Variants in WDR7 observed in about 807,000 individuals in gnomAD.
The protein encoded by WDR7 is WD repeat-containing protein 7.
WDR7 carries 46 observed loss-of-function variants against 169.4 expected under a neutral mutation model. That is an observed-to-expected ratio of 0.27 (90% CI 0.21 to 0.35). The LOEUF (loss-of-function observed/expected upper bound fraction) is 0.35, where lower values mean the gene tolerates loss of function less well. WDR7 is among the 10% of genes least tolerant of loss of function. WDR7 has a pLI of 1.00. For synonymous variants in WDR7, 612 were observed against 666.8 expected, an observed-to-expected ratio of 0.92 and a Z score of 1.27; for missense variants, 1,534 against 1,859.3, an observed-to-expected ratio of 0.83 and a Z score of 3.22.
At chr18:57,009,402 A>G (rs1287066209) in intron 26 of WDR7, among the ~76,000 whole-genome samples, 1 of 152,178 alleles carries the variant, frequency 6.6e-6, no homozygotes, top group African/African-American at 2.4e-5. Flanking sequence ...TTTTATTTCA[A>G]TAGGTTTTGG....
rs1489618362 is a variant in WDR7, at chr18:57,027,072, C to T, written c.4338C>T (p.Thr1446=). 2 of 1,614,052 alleles carry T rather than the reference C, an allele frequency of 1.2e-6. No homozygotes were observed. Among genetic ancestry groups the T allele is most frequent in the Non-Finnish European group, 1.7e-6 (2 of 1,180,048 alleles). The stretch of plus-strand genomic sequence containing the variant: ...CACCTCAGCTGCGCTGCATTAAAAC[C>T]TACCAGGTGCCCCCTGTGCAGCCCG... ...NSAPQLRCIK[T]YQVPPVQPAS... is the part of the protein sequence containing the mutation. The change falls in exon 28 of 28, where the codon ACC becomes ACT. Residue 1446 remains threonine, a synonymous_variant. Coordinates refer to ENST00000254442, the MANE Select transcript of WDR7 (RefSeq NM_015285.3).
intron 16 of WDR7, among the ~76,000 whole-genome samples, chr18:56,774,167 G>A (rs996375747): frequency 2.0e-5 from 3 of 151,994 alleles, no homozygotes; most frequent in African/African-American, 7.2e-5. Context: ...TTAACTTTCT[G>A]TCCTATAAAT....
chr18:56,873,932 G>A (rs1055476790), intron 20 of WDR7: 59 of 152,174 alleles, frequency 3.9e-4, no homozygotes, highest in African/African-American at 1.4e-3. Flanking sequence ...GCAAGGCAGC[G>A]GTTAGCAATT....
chr18:56,754,467 T>G (rs1348897071), intron 14 of WDR7, among the ~76,000 whole-genome samples: 2 of 151,772 alleles, frequency 1.3e-5, no homozygotes, highest in Non-Finnish European at 2.9e-5. Context: ...ATAATGTGTG[T>G]GTATGTATAT....
chr18:56,786,319 T>C (rs1174240350), intron 19 of WDR7, among the ~76,000 whole-genome samples: 1 of 152,050 alleles, frequency 6.6e-6, no homozygotes, highest in African/African-American at 2.4e-5. Flanking sequence ...TTGCCTGAGC[T>C]CAGGAGTTCA....
At chr18:56,998,190 G>C (rs940930992) in intron 26 of WDR7, among the ~76,000 whole-genome samples, 1 of 152,110 alleles carries the variant, frequency 6.6e-6, no homozygotes, top group Non-Finnish European at 1.5e-5. Context: ...TGAAGACTTA[G>C]GTATCCGTAA....
chr18:56,894,999 G>T (rs887338406), intron 21 of WDR7, among the ~76,000 whole-genome samples: 1 of 152,052 alleles, frequency 6.6e-6, no homozygotes, highest in Admixed American at 6.6e-5. Flanking sequence ...AATAAACAAT[G>T]AGTAGAATAA....
intron 21 of WDR7, among the ~76,000 whole-genome samples, chr18:56,917,624 G>A (rs1342155081): frequency 6.6e-6 from 1 of 152,166 alleles, no homozygotes; most frequent in Admixed American, 6.5e-5. Flanking sequence ...TACTACAAAA[G>A]TTTTAAACAT....
chr18:56,759,943 T>C (rs1026264912), intron 16 of WDR7, among the ~76,000 whole-genome samples: 1 of 152,210 alleles, frequency 6.6e-6, no homozygotes, highest in African/African-American at 2.4e-5. Context: ...CGTTAGGCAC[T>C]GTCAGATGGT....
chr18:56,665,449 C>T (rs2024999821), intron 1 of WDR7, among the ~76,000 whole-genome samples: 1 of 151,638 alleles, frequency 6.6e-6, no homozygotes, highest in African/African-American at 2.4e-5. Context: ...GAATTCTACT[C>T]AGCCCAGTCT....
intron 20 of WDR7, among the ~76,000 whole-genome samples, chr18:56,841,331 T>C (rs1043193307): frequency 2.7e-5 from 4 of 149,486 alleles, no homozygotes; most frequent in African/African-American, 9.8e-5. Context: ...CAGTTGAGAA[T>C]AGGAGTTTGA....
At chr18:56,758,724 C>T in intron 15 of WDR7, 141 bp from the exon 16 acceptor site, 1 of 567,432 alleles carries the variant, frequency 1.8e-6, no homozygotes, top group Non-Finnish European at 2.8e-6. Context: ...CAAAAAAAAT[C>T]TTTCTGGAAT....
chr18:56,701,128 A>C (rs1335300346), intron 12 of WDR7, among the ~76,000 whole-genome samples: 1 of 152,240 alleles, frequency 6.6e-6, no homozygotes, highest in Non-Finnish European at 1.5e-5. Flanking sequence ...ACATTTTAGA[A>C]GGAGGATAAG....
At chr18:56,816,400 G>T (rs1404229635) in intron 20 of WDR7, among the ~76,000 whole-genome samples, 1 of 152,130 alleles carries the variant, frequency 6.6e-6, no homozygotes, top group Non-Finnish European at 1.5e-5. Context: ...GTTTTCTGGA[G>T]ACCTTTTAAT....
At chr18:56,668,541 T>G (rs542879514) in intron 1 of WDR7, among the ~76,000 whole-genome samples, 2 of 152,330 alleles carry the variant, frequency 1.3e-5, no homozygotes, top group African/African-American at 2.4e-5. Context: ...TTATTTATTA[T>G]TGTAATACTT....
At chr18:57,001,554 G>A (rs147739997) in intron 26 of WDR7, among the ~76,000 whole-genome samples, 22 of 152,202 alleles carry the variant, frequency 1.4e-4, no homozygotes, top group African/African-American at 5.3e-4. Flanking sequence ...GCCTTAATGA[G>A]GTAAAATACA....
At chr18:56,814,980 G>A (rs1396945179) in intron 19 of WDR7, among the ~76,000 whole-genome samples, 1 of 152,062 alleles carries the variant, frequency 6.6e-6, no homozygotes, top group South Asian at 2.1e-4. Flanking sequence ...CCTACTGGTA[G>A]GTCCATTTCT....
At chr18:56,674,155 T>C (rs2025194306) in intron 2 of WDR7, among the ~76,000 whole-genome samples, 1 of 152,186 alleles carries the variant, frequency 6.6e-6, no homozygotes, top group Non-Finnish European at 1.5e-5. Context: ...GAGCGTGGAA[T>C]TGTGGGATCG....
chr18:56,817,067 G>A (rs1245515751), intron 20 of WDR7, among the ~76,000 whole-genome samples: 1 of 151,984 alleles, frequency 6.6e-6, no homozygotes, highest in Non-Finnish European at 1.5e-5. Flanking sequence ...AGGGAGGGCT[G>A]GACACAGTGG....
Sources: gnomAD v4.1 joint callset for allele counts (sites outside exome capture counted in the v4.1 genomes callset) on GRCh38, gnomAD v4.1.1 for gene constraint, MANE v1.5 for transcripts, NCBI Gene and HGNC (gene_info 2026-07-23, HGNC 2026-07-21) for gene names.